Variants in CEP120 observed in about 807,000 individuals in gnomAD.
CEP120 encodes the protein centrosomal protein 120.
In CEP120, 113 loss-of-function variants were observed where a neutral mutation model predicts 126.5. The ratio of observed to expected loss-of-function variants is 0.89; its 90% CI spans 0.77 to 1.04. CEP120 has a LOEUF of 1.04. Ranked by LOEUF, CEP120 falls within the 50% of genes least tolerant of loss-of-function variation. The pLI is 0.00. For missense variants in CEP120, 1,230 were observed against 1,155.7 expected, an observed-to-expected ratio of 1.06 and a Z score of -0.93; for synonymous variants, 400 against 394.3, an observed-to-expected ratio of 1.01 and a Z score of -0.17.
Position 123,346,653 on chromosome 5 carries a change from C to A in CEP120, c.2827G>T (p.Asp943Tyr), listed in dbSNP as rs758349807. The change falls in exon 20 of 20, where the codon GAT becomes TAT. Residue 943 changes from aspartate to tyrosine, a missense_variant. Coordinates refer to ENST00000306467, the MANE Select transcript of CEP120 (RefSeq NM_001375405.1). ...HGSVLEEGLD[D>Y]YLTRLIEERD... ...TCTTCTATCAGGCGAGTCAAATAATCATCCAAACCTTCTTCCAATACACTG... is the reference window on the plus strand; with the variant it reads ...TCTTCTATCAGGCGAGTCAAATAATAATCCAAACCTTCTTCCAATACACTG... 2 of 1,614,012 alleles carry A rather than the reference C, an allele frequency of 1.2e-6. No homozygotes were observed. Among genetic ancestry groups the A allele is most frequent in the Non-Finnish European group, 1.7e-6 (2 of 1,179,962 alleles).
At chr5:123,414,890 T>C (rs1469118821) in intron 3 of CEP120, among the ~76,000 whole-genome samples, 1 of 133,322 alleles carries the variant, frequency 7.5e-6, no homozygotes, top group Non-Finnish European at 1.5e-5. Context: ...AAGAATGGCA[T>C]GAACCCGGGA....
chr5:123,376,829 T>C (rs1771260142), intron 16 of CEP120, among the ~76,000 whole-genome samples: 2 of 152,124 alleles, frequency 1.3e-5, no homozygotes, highest in Non-Finnish European at 2.9e-5. Flanking sequence ...AAGATTGTTT[T>C]TGCAGAAAGT....
Position 123,386,554 on chromosome 5 carries a change from G to T in CEP120, c.1544C>A (p.Ala515Glu), listed in dbSNP as rs937726693. The change falls in exon 10 of 20, where the codon GCA (alanine) becomes GAA (glutamate). Residue 515 changes from alanine to glutamate, a missense_variant. Transcript: ENST00000306467. The part of the protein sequence containing the change: ...LPQSYCAFDF[A>E]TMPHQLQDTF... The stretch of plus-strand genomic sequence containing the variant: ...GTCTTGCAGCTGATGAGGCATAGTT[G>T]CAAAATCAAATGCACAGTAAGACTG... The T allele has an allele frequency of 6.3e-7, 1 of 1,586,398 alleles. No homozygotes were observed. The highest frequency in any genetic ancestry group is 1.4e-5 in the African/African-American group (1 of 73,026).
chr5:123,382,940 T>C (rs1208479796), intron 12 of CEP120, 46 bp downstream of exon 12: 8 of 1,602,430 alleles, frequency 5.0e-6, no homozygotes, highest in African/African-American at 1.3e-5. Context: ...CATATGCACA[T>C]TAGATTCCTT....
chr5:123,352,829 T>A (rs1769287390), intron 18 of CEP120, among the ~76,000 whole-genome samples: 1 of 152,036 alleles, frequency 6.6e-6, no homozygotes, highest in South Asian at 2.1e-4. Context: ...ATTATGTAGG[T>A]CTTTTGATAA....
At chr5:123,422,909 C>T in intron 1 of CEP120, 41 bp downstream of exon 1, 1 of 1,585,708 alleles carries the variant, frequency 6.3e-7, no homozygotes, top group Non-Finnish European at 8.7e-7. Context: ...TTTTAAAACT[C>T]GGGAGGCAGC....
Position 123,389,950 on chromosome 5 carries a change from T to A in CEP120, c.1229A>T (p.Asp410Val). The change falls in exon 8 of 20, where the codon GAT becomes GTT. Residue 410 changes from aspartate to valine, a missense_variant. Asp to Val is a radical substitution (Grantham distance 152). Coordinates refer to ENST00000306467, the MANE Select transcript of CEP120 (RefSeq NM_001375405.1). Reference protein sequence around the residue: ...TESEVESLQYDKDTKPNPKAS... With the variant: ...TESEVESLQYVKDTKPNPKAS... Reference sequence around the variant, plus strand: ...TTTTGGATTTGGTTTGGTGTCCTTATCATACTGTAAACTTTCCACTTCACT... The same window carrying A: ...TTTTGGATTTGGTTTGGTGTCCTTAACATACTGTAAACTTTCCACTTCACT... The A allele has an allele frequency of 6.2e-7, 1 of 1,614,162 alleles. No individual in the cohort carries two copies. The highest frequency in any genetic ancestry group is 2.2e-5 in the East Asian group (1 of 44,876).
At chr5:123,378,306 G>C in intron 15 of CEP120, 30 bp downstream of exon 15, 2 of 1,531,724 alleles carry the variant, frequency 1.3e-6, no homozygotes, top group Non-Finnish European at 1.8e-6. Context: ...CCTCTATGCT[G>C]AAAAAAAATA....
In CEP120 at chr5:123,389,915, A is replaced by C. The variant is rs1460765538; in HGVS notation, c.1255+9T>G. The stretch of plus-strand genomic sequence containing the variant: ...CAAAGATCTATAAACAAACAACAAA[A>C]AACCTTACCTTTTGGATTTGGTTTG... On this transcript the variant is annotated intron_variant, in intron 8 of 19. Transcript: ENST00000306467. 1.2e-6 allele frequency: 2 copies of C among 1,610,126 alleles called. No homozygotes were observed. The highest frequency in any genetic ancestry group is 3.3e-5 in the Admixed American group (2 of 59,934).
rs1774843826 is a variant in CEP120, at chr5:123,423,289, GC to G, written c.-292del. ...GCCCGCCACCCGAGGACCTTTTGCC[GC>G]CTGCGTAGCCGCTTTTCAAACGCCC... On this transcript the variant is annotated 5_prime_UTR_variant, in exon 1 of 20. Transcript: ENST00000306467. The G allele has an allele frequency of 2.2e-6, 1 of 446,642 alleles. No individual in the cohort carries two copies. The allele number at this position is 446,642 out of a possible 1,614,324, so 27.7% of individuals were successfully genotyped here.
chr5:123,408,839 G>A (rs1272937835), intron 4 of CEP120, among the ~76,000 whole-genome samples: 1 of 152,030 alleles, frequency 6.6e-6, no homozygotes, highest in East Asian at 1.9e-4. Flanking sequence ...AAAAAATACA[G>A]ACCAATATCT....
chr5:123,390,603 G>T (rs1384283844), intron 7 of CEP120, among the ~76,000 whole-genome samples: 1 of 152,040 alleles, frequency 6.6e-6, no homozygotes, highest in Non-Finnish European at 1.5e-5. Context: ...ATAAAGATCA[G>T]CTTTTTGAAA....
At chr5:123,406,464 C>T (rs775176043) in intron 4 of CEP120, among the ~76,000 whole-genome samples, 1 of 134,492 alleles carries the variant, frequency 7.4e-6, no homozygotes, top group Non-Finnish European at 1.6e-5. Context: ...AGAAAAAATA[C>T]TGAAAGAAGC....
chr5:123,415,372 CT>C (rs1262270454), intron 3 of CEP120, among the ~76,000 whole-genome samples: 1 of 152,190 alleles, frequency 6.6e-6, no homozygotes, highest in African/African-American at 2.4e-5. Context: ...AAGGGGAATG[CT>C]GACAATTCAC....
At chr5:123,385,462 T>C (rs1323117245) in intron 10 of CEP120, among the ~76,000 whole-genome samples, 1 of 152,172 alleles carries the variant, frequency 6.6e-6, no homozygotes, top group East Asian at 1.9e-4. Context: ...AGGTTCGCAG[T>C]CTAGAAGCAA....
At chr5:123,408,528 A>G (rs1773844549) in intron 4 of CEP120, among the ~76,000 whole-genome samples, 2 of 152,214 alleles carry the variant, frequency 1.3e-5, no homozygotes, top group African/African-American at 4.8e-5. Flanking sequence ...GATGAAATAG[A>G]CCAATTCCTT....
In CEP120 at chr5:123,411,716, G is replaced by A. The variant is rs547672531; in HGVS notation, c.463+683C>T. On this transcript the variant is annotated intron_variant, in intron 4 of 19. Coordinates refer to ENST00000306467, the MANE Select transcript of CEP120 (RefSeq NM_001375405.1). ...GGGAGGAATGAATAGGTGGAGCACA[G>A]ATGATTTTTAGGGTGGTGAAACTAT... 1.3e-5 allele frequency among the ~76,000 whole-genome samples: 2 copies of A among 152,202 alleles called. 1 individual carries two copies. Among genetic ancestry groups the A allele is most frequent in the Non-Finnish European group, 2.9e-5 (2 of 68,028 alleles).
At chr5:123,373,657 TTC>T in intron 16 of CEP120, among the ~76,000 whole-genome samples, 1 of 152,220 alleles carries the variant, frequency 6.6e-6, no homozygotes, top group Non-Finnish European at 1.5e-5. Context: ...TCTTTTCAGG[TTC>T]TCTCTTTACA....
intron 1 of CEP120, among the ~76,000 whole-genome samples, chr5:123,421,451 G>C (rs1045299755): frequency 6.6e-6 from 1 of 152,106 alleles, no homozygotes; most frequent in African/African-American, 2.4e-5. Flanking sequence ...GCCTCTCTCA[G>C]GACCTCATTT....
Sources: allele counts gnomAD v4.1 joint callset (sites outside exome capture counted in the v4.1 genomes callset), GRCh38; gene constraint gnomAD v4.1.1; transcripts MANE v1.5; gene names NCBI Gene and HGNC (gene_info 2026-07-23, HGNC 2026-07-21).